The following MRS2 variants were observed in gnomAD, a reference collection of about 807,000 sequenced individuals.
MRS2 encodes the protein magnesium transporter MRS2.
Under a neutral mutation model 52.6 loss-of-function variants are expected in MRS2, and 40 were observed. The ratio of observed to expected loss-of-function variants is 0.76; its 90% CI spans 0.59 to 0.99. The LOEUF is 0.99. Ranked by LOEUF, MRS2 falls within the 50% of genes least tolerant of loss-of-function variation. The pLI is 0.00. For synonymous variants in MRS2, 193 were observed against 195.9 expected (o/e 0.98, Z 0.13); for missense variants, 472 against 532.7 (o/e 0.89, Z 1.12).
At chr6:24,408,054 A>G (rs1325271182) in intron 2 of MRS2, among the ~76,000 whole-genome samples, 1 of 152,110 alleles carries the variant, frequency 6.6e-6, no homozygotes, top group Non-Finnish European at 1.5e-5. Context: ...GATAACTGTA[A>G]TTTGTTCGTC....
chr6:24,404,522 CAG>C (rs1487392552), intron 1 of MRS2, among the ~76,000 whole-genome samples: 1 of 152,092 alleles, frequency 6.6e-6, no homozygotes, highest in African/African-American at 2.4e-5. Context: ...AAGCACAAAA[CAG>C]TGTCCTCTGT....
In MRS2 at chr6:24,418,049, G is replaced by A. The variant is rs747825363; in HGVS notation, c.837-35G>A. 27 of 1,584,618 alleles carry A rather than the reference G, an allele frequency of 1.7e-5. No homozygotes were observed. In the South Asian group the frequency reaches 2.7e-4, roughly 16 times the overall value. On this transcript the variant is annotated intron_variant, in intron 7 of 10. Coordinates refer to ENST00000378386, the MANE Select transcript of MRS2 (RefSeq NM_020662.4). ...TCACTAAGTATATGATACACATGTT[G>A]GGAGTATGTTAATTATTTTCTCTTT...
intron 3 of MRS2, among the ~76,000 whole-genome samples, chr6:24,408,826 C>T (rs1422311160): frequency 6.6e-6 from 1 of 152,134 alleles, no homozygotes; most frequent in Non-Finnish European, 1.5e-5. Context: ...TCACATAATA[C>T]CACTGACATT....
At chr6:24,413,492 C>T (rs147171600) in intron 5 of MRS2, among the ~76,000 whole-genome samples, 7 of 152,258 alleles carry the variant, frequency 4.6e-5, no homozygotes, top group African/African-American at 1.7e-4. Flanking sequence ...CAAGACATAC[C>T]ATGAGTAGAT....
At position 24,412,202 on chromosome 6, in the gene MRS2, G is replaced by GTTTT; in HGVS notation, c.415-20_415-19insTTTT. 8.2e-7 allele frequency: 1 copy of GTTTT among 1,226,220 alleles called. No individual in the cohort carries two copies. The highest frequency in any genetic ancestry group is 1.1e-6 in the Non-Finnish European group (1 of 891,568). 76.0% of individuals were successfully genotyped at this position (1,226,220 alleles called of 1,614,324 possible). ...ATACACTCACATATTTATATGTTTT[G>GTTTT]GTTTTTTTTTTTTTAACAGTATTTG... On this transcript the variant is annotated intron_variant, in intron 4 of 10. Transcript: ENST00000378386.
At chr6:24,416,183 A>G (rs1457138272) in intron 6 of MRS2, among the ~76,000 whole-genome samples, 1 of 152,050 alleles carries the variant, frequency 6.6e-6, no homozygotes, top group African/African-American at 2.4e-5. Context: ...TTGGCCTCCT[A>G]AAGTGCTAGG....
At chr6:24,419,283 G>A (rs921210782) in intron 9 of MRS2, 5 of 148,352 alleles carry the variant, frequency 3.4e-5, no homozygotes, top group South Asian at 2.2e-4. Flanking sequence ...AAACTACCAT[G>A]GTGAAATAAA....
In MRS2 at chr6:24,417,966, C is replaced by G. The variant is rs1359859543; in HGVS notation, c.837-118C>G. On this transcript the variant is annotated intron_variant, in intron 7 of 10. Coordinates refer to ENST00000378386, the MANE Select transcript of MRS2 (RefSeq NM_020662.4). ...AAAAAAAAAAAAAGACAAGACAAGA[C>G]AAAGGCTAGCTTTTCCACTGGTAGC... The G allele has an allele frequency of 8.1e-6, 6 of 739,712 alleles. 1 individual carries two copies. The East Asian group carries it at 1.7e-4, about 21-fold the overall frequency. 45.8% of individuals were successfully genotyped at this position (739,712 alleles called of 1,614,324 possible).
At chr6:24,417,633 T>C (rs1372845957) in intron 7 of MRS2, among the ~76,000 whole-genome samples, 4 of 152,168 alleles carry the variant, frequency 2.6e-5, no homozygotes, top group Non-Finnish European at 5.9e-5. Context: ...TACTCACAGA[T>C]TGGCCACAAC....
intron 4 of MRS2, chr6:24,410,777 C>G: frequency 6.6e-7 from 1 of 1,526,512 alleles, no homozygotes; most frequent in South Asian, 1.2e-5. Context: ...AAAACAGTGT[C>G]TCTTTCATGG....
intron 1 of MRS2, among the ~76,000 whole-genome samples, chr6:24,403,450 G>T (rs1343556842): frequency 6.6e-6 from 1 of 152,232 alleles, no homozygotes; most frequent in African/African-American, 2.4e-5. Context: ...CCCTGCCGGG[G>T]TCCCAGCGGC....
Position 24,409,464 on chromosome 6 carries a change from G to A in MRS2, c.305G>A (p.Arg102Lys). The change falls in exon 4 of 11, where the codon AGG becomes AAG. Residue 102 changes from arginine (R) to lysine (K), a missense_variant. Transcript: ENST00000378386. Reference sequence around the variant, plus strand: ...TCTCTGTTTATTTCTTTTATAGAAAGGAAGAAAACTGAATTATACCAAGAG... The same window carrying A: ...TCTCTGTTTATTTCTTTTATAGAAAAGAAGAAAACTGAATTATACCAAGAG... The part of the protein sequence containing the change: ...DKQGNVTSFE[R>K]KKTELYQELG... 2 of 1,589,654 alleles carry A rather than the reference G, an allele frequency of 1.3e-6. No individual in the cohort carries two copies. The highest frequency in any genetic ancestry group is 1.7e-5 in the Admixed American group (1 of 57,764).
At chr6:24,412,473 T>C (rs891204386) in intron 5 of MRS2, 78 bp downstream of exon 5, 8 of 1,202,922 alleles carry the variant, frequency 6.7e-6, no homozygotes, top group African/African-American at 6.2e-5. Context: ...AGTTGGGGTA[T>C]TGTTTCAATG....
intron 4 of MRS2, among the ~76,000 whole-genome samples, chr6:24,412,008 C>A (rs1257046675): frequency 1.1e-4 from 16 of 146,968 alleles, no homozygotes; most frequent in African/African-American, 4.0e-4. Flanking sequence ...AAAAAAAAAA[C>A]CTTGATTTTT....
intron 9 of MRS2, 41 bp from the exon 10 acceptor site, chr6:24,422,896 C>T: frequency 2.9e-6 from 4 of 1,355,986 alleles, no homozygotes; most frequent in Non-Finnish European, 4.2e-6. Context: ...TTCTAAGGAA[C>T]CTGGCGTTTT....
intron 2 of MRS2, among the ~76,000 whole-genome samples, chr6:24,407,915 C>T (rs988580915): frequency 6.6e-6 from 1 of 152,166 alleles, no homozygotes; most frequent in East Asian, 1.9e-4. Context: ...GCTCGAATCC[C>T]CATGCCCCGT....
intron 2 of MRS2, among the ~76,000 whole-genome samples, chr6:24,405,802 A>AG (rs1416041929): frequency 2.5e-4 from 38 of 149,354 alleles, no homozygotes; most frequent in Middle Eastern, 3.4e-3. Context: ...AAAAAAAAAA[A>AG]GTCTTGATAA....
At chr6:24,414,117 A>C (rs1019157972) in intron 5 of MRS2, among the ~76,000 whole-genome samples, 2 of 150,790 alleles carry the variant, frequency 1.3e-5, no homozygotes, top group Admixed American at 1.3e-4. Context: ...TCATTACTTC[A>C]TAATGAATGT....
At chr6:24,416,349 CTTA>C in intron 6 of MRS2, 45 bp from the exon 7 acceptor site, 1 of 780,468 alleles carries the variant, frequency 1.3e-6, no homozygotes, top group South Asian at 1.5e-5. Flanking sequence ...ATGAAATGTT[CTTA>C]TAAGTTTATT....
Sources: gnomAD v4.1 joint callset for allele counts (sites outside exome capture counted in the v4.1 genomes callset) on GRCh38, gnomAD v4.1.1 for gene constraint, MANE v1.5 for transcripts, NCBI Gene and HGNC (gene_info 2026-07-23, HGNC 2026-07-21) for gene names.